Variants in CTSZ observed in about 807,000 individuals in gnomAD.
CTSZ encodes the protein carboxypeptidase LB.
Under a neutral mutation model 32.4 loss-of-function variants are expected in CTSZ, and 39 were observed. The ratio of observed to expected loss-of-function variants is 1.20; its 90% confidence interval spans 0.93 to 1.57. The LOEUF (loss-of-function observed/expected upper bound fraction) is 1.57. Ranked by LOEUF, CTSZ falls within the 40% of genes most tolerant of loss-of-function variation. The pLI, the probability that CTSZ is intolerant of heterozygous loss-of-function variation, is 0.00. For synonymous variants in CTSZ, 168 were observed against 170.1 expected, an observed-to-expected ratio of 0.99 and a Z score of 0.10; for missense variants, 397 against 419.6, an observed-to-expected ratio of 0.95 and a Z score of 0.47.
At chr20:59,005,848 G>A (rs1320353423) in intron 2 of CTSZ, among the ~76,000 whole-genome samples, 1 of 152,110 alleles carries the variant, frequency 6.6e-6, no homozygotes, top group Non-Finnish European at 1.5e-5. Flanking sequence ...CCCTACTCCT[G>A]CCAAAAGCCT....
At position 59,001,614 on chromosome 20, in the gene CTSZ, C is replaced by A; in HGVS notation, c.338G>T (p.Trp113Leu). The change falls in exon 3 of 6, where the codon TGG becomes TTG. Residue 113 changes from tryptophan (W) to leucine (L), a missense_variant. Coordinates refer to ENST00000217131, the MANE Select transcript of CTSZ (RefSeq NM_001336.4). ...DRINIKRKGA[W>L]PSTLLSVQNV... ...CTGCACGGACAGGAGGGTGGAGGGC[C>A]ACGCTCCCTTCCTCTTGATGTTGAT... 1 of 1,614,112 alleles carries A rather than the reference C, an allele frequency of 6.2e-7. No homozygotes were observed. The highest frequency in any genetic ancestry group is 1.1e-5 in the South Asian group (1 of 91,090).
intron 1 of CTSZ, 105 bp from the exon 2 acceptor site, chr20:59,006,590 C>T: frequency 2.5e-6 from 3 of 1,220,702 alleles, no homozygotes; most frequent in East Asian, 2.4e-5. Context: ...CACCTGAGGG[C>T]ATGGGAGTGG....
At chr20:58,997,516 ATC>A (rs2091866734) in intron 4 of CTSZ, 85 bp downstream of exon 4, 1 of 1,301,844 alleles carries the variant, frequency 7.7e-7, no homozygotes, top group South Asian at 1.8e-5. Flanking sequence ...GTCACCGCGG[ATC>A]TCTCCTCACC....
At position 59,001,651 on chromosome 20, in the gene CTSZ, C is replaced by T. The variant is rs755935431; in HGVS notation, c.308-7G>A. The T allele has an allele frequency of 1.9e-6, 3 of 1,611,016 alleles. No individual in the cohort carries two copies. Among genetic ancestry groups the T allele is most frequent in the Middle Eastern group, 1.7e-4 (1 of 6,056 alleles). On this transcript the variant is annotated splice_polypyrimidine_tract_variant and splice_region_variant and intron_variant, in intron 2 of 5. Coordinates refer to ENST00000217131, the MANE Select transcript of CTSZ (RefSeq NM_001336.4). ...CTCTTGATGTTGATCCGATCTGCAA[C>T]AGTCAGCACCTGCCAGTCAGCACTC... is the stretch of plus-strand genomic sequence containing the variant.
chr20:59,007,047 G>A lies in CTSZ; in HGVS notation c.82C>T (p.Arg28Cys). ...AGAAQGGLYFRRGQTCYRPLR... is the reference protein window; with the variant it reads ...AGAAQGGLYFCRGQTCYRPLR... Reference sequence around the variant, plus strand: ...GGCCGGTAGCAGGTCTGTCCCCGGCGGAAGTAGAGGCCGCCCTGCGCCGCG... The same window carrying A: ...GGCCGGTAGCAGGTCTGTCCCCGGCAGAAGTAGAGGCCGCCCTGCGCCGCG... The change falls in exon 1 of 6, where the codon CGC (arginine) becomes TGC (cysteine). Residue 28 changes from arginine to cysteine, a missense_variant. By Grantham distance (180) the Arg-to-Cys change is radical. Transcript: ENST00000217131. The A allele has an allele frequency of 6.8e-7, 1 of 1,470,606 alleles. No individual in the cohort carries two copies. The highest frequency in any genetic ancestry group is 8.9e-7 in the Non-Finnish European group (1 of 1,117,794). 91.1% of individuals were successfully genotyped at this position (1,470,606 alleles called of 1,614,324 possible).
intron 3 of CTSZ, among the ~76,000 whole-genome samples, chr20:58,999,180 C>A: frequency 6.6e-6 from 1 of 152,012 alleles, no homozygotes; most frequent in East Asian, 1.9e-4. Flanking sequence ...GGATTACAGG[C>A]GCATGCCACC....
At chr20:59,005,275 C>T (rs2091904711) in intron 2 of CTSZ, among the ~76,000 whole-genome samples, 1 of 152,170 alleles carries the variant, frequency 6.6e-6, no homozygotes. Context: ...AGACCCTACC[C>T]CCAGAGCAAG....
chr20:59,001,378 G>A (rs773198089), intron 3 of CTSZ, 87 bp downstream of exon 3: 4 of 1,416,006 alleles, frequency 2.8e-6, no homozygotes, highest in Non-Finnish European at 3.8e-6. Flanking sequence ...AGGAGCACGG[G>A]GTCAGGCTGG....
At chr20:59,003,427 A>G (rs1443171815) in intron 2 of CTSZ, among the ~76,000 whole-genome samples, 1 of 152,212 alleles carries the variant, frequency 6.6e-6, no homozygotes, top group African/African-American at 2.4e-5. Context: ...ACTGTGGGCT[A>G]ACACAAGTGT....
Position 58,996,696 on chromosome 20 carries a change from C to A in CTSZ, c.744G>T (p.Trp248Cys). ...YINHVVSVAG[W>C]GISDGTEYWI... The stretch of plus-strand genomic sequence containing the variant: ...AGTACTCAGTCCCATCACTGATGCC[C>A]CACCCAGCCACAGAAACGACATGGT... The change falls in exon 5 of 6, where the codon TGG becomes TGT. Residue 248 changes from tryptophan (W) to cysteine (C), a missense_variant. Transcript: ENST00000217131. 2 of 1,614,168 alleles carry A rather than the reference C, an allele frequency of 1.2e-6. No homozygotes were observed. Among genetic ancestry groups the A allele is most frequent in the Non-Finnish European group, 1.7e-6 (2 of 1,180,024 alleles).
intron 2 of CTSZ, among the ~76,000 whole-genome samples, chr20:59,003,200 A>G (rs528405845): frequency 1.8e-4 from 27 of 152,270 alleles, no homozygotes; most frequent in South Asian, 1.0e-3. Flanking sequence ...CCCGAGCCCT[A>G]TCCTTCTATG....
rs746016937 is a variant in CTSZ, at chr20:59,007,026, G to C, written c.103C>G (p.Arg35Gly). The stretch of plus-strand genomic sequence containing the variant: ...GCCAGCCCGTCCCCCCGCAGAGGCC[G>C]GTAGCAGGTCTGTCCCCGGCGGAAG... ...LYFRRGQTCY[R>G]PLRGDGLAPL... The change falls in exon 1 of 6, where the codon CGG becomes GGG. Residue 35 changes from arginine (R) to glycine (G), a missense_variant. Physicochemically the swap from Arg to Gly is moderately radical, Grantham distance 125 (BLOSUM62 -2). Coordinates refer to ENST00000217131, the MANE Select transcript of CTSZ (RefSeq NM_001336.4). 3.4e-6 allele frequency: 5 copies of C among 1,474,924 alleles called. No individual in the cohort carries two copies. The highest frequency in any genetic ancestry group is 4.5e-6 in the Non-Finnish European group (5 of 1,120,374). The allele number at this position is 1,474,924 out of a possible 1,614,324, so 91.4% of individuals were successfully genotyped here.
At position 58,997,419 on chromosome 20, in the gene CTSZ, G is replaced by C. The variant is rs1381102337; in HGVS notation, c.638+184C>G. 2.1e-5 allele frequency: 10 copies of C among 469,364 alleles called. 1 individual carries two copies. In the East Asian group the frequency reaches 3.5e-4, roughly 17 times the overall value. The allele number at this position is 469,364 out of a possible 1,614,324, so 29.1% of individuals were successfully genotyped here. On this transcript the variant is annotated intron_variant, in intron 4 of 5. Coordinates refer to ENST00000217131, the MANE Select transcript of CTSZ (RefSeq NM_001336.4). ...AGAGGGGAAATGATGTGGCTGTCTC[G>C]AGCCTACTGAGTACAACCGGCCAGA...
chr20:59,004,087 G>A lies in CTSZ; in HGVS notation c.307+2235C>T, dbSNP rs1288694581. Among the ~76,000 whole-genome samples, 1 of 152,200 alleles carries A rather than the reference G, an allele frequency of 6.6e-6. No homozygotes were observed. Among genetic ancestry groups the A allele is most frequent in the East Asian group, 1.9e-4 (1 of 5,196 alleles). ...GATTATATGAGGGACAGAAAACAGAGGAGTCGGGTACCAGTCCAGGCTTTT... is the reference window on the plus strand; with the variant it reads ...GATTATATGAGGGACAGAAAACAGAAGAGTCGGGTACCAGTCCAGGCTTTT... On this transcript the variant is annotated intron_variant, in intron 2 of 5. Coordinates refer to ENST00000217131, the MANE Select transcript of CTSZ (RefSeq NM_001336.4). This position sits in a 1 kb window ranked among gnomAD's most constrained non-coding sequence, Gnocchi z 5.6.
chr20:59,001,118 C>T lies in CTSZ; in HGVS notation c.487+347G>A, dbSNP rs576183796. On this transcript the variant is annotated intron_variant, in intron 3 of 5. Coordinates refer to ENST00000217131, the MANE Select transcript of CTSZ (RefSeq NM_001336.4). ...TGCTGAGATTACAGGCATGAGCCAC[C>T]GCGCGCATGGCCAAGGATGCTCTTC... Among the ~76,000 whole-genome samples the T allele has an allele frequency of 2.6e-5, 4 of 152,252 alleles. No homozygotes were observed. The East Asian group carries it at 7.7e-4, about 29-fold the overall frequency.
At chr20:58,999,644 T>A (rs1049798340) in intron 3 of CTSZ, among the ~76,000 whole-genome samples, 3 of 152,200 alleles carry the variant, frequency 2.0e-5, no homozygotes, top group Non-Finnish European at 4.4e-5. Flanking sequence ...TTCTGCCACT[T>A]CAGAGTGCAC....
intron 3 of CTSZ, among the ~76,000 whole-genome samples, chr20:59,000,024 G>A (rs548819494): frequency 1.3e-5 from 2 of 150,314 alleles, no homozygotes; most frequent in African/African-American, 2.5e-5. Flanking sequence ...AGCCGAGATC[G>A]CGCCACTGCA....
chr20:59,005,835 C>T (rs990614699), intron 2 of CTSZ, among the ~76,000 whole-genome samples: 2 of 152,168 alleles, frequency 1.3e-5, no homozygotes, highest in Non-Finnish European at 2.9e-5. Flanking sequence ...AAGAGCCTCC[C>T]TACCCTACTC....
chr20:59,001,316 TGG>T (rs1241252718), intron 3 of CTSZ, 147 bp downstream of exon 3: 6 of 886,824 alleles, frequency 6.8e-6, no homozygotes, highest in Non-Finnish European at 1.0e-5. Flanking sequence ...CCAGCGCCCC[TGG>T]GGGCTGCAAC....
Sources: gnomAD v4.1 joint callset for allele counts (sites outside exome capture counted in the v4.1 genomes callset) on GRCh38, gnomAD v4.1.1 for gene constraint, Gnocchi (gnomAD v3.1) non-coding constraint, MANE v1.5 for transcripts, NCBI Gene and HGNC (gene_info 2026-07-23, HGNC 2026-07-21) for gene names.